Variants in HS2ST1 observed in about 807,000 individuals in gnomAD.
The protein encoded by HS2ST1 is heparan sulfate 2-O-sulfotransferase 1, also known as 2-O-sulfotransferase.
In HS2ST1, 18 loss-of-function variants were observed where a neutral mutation model predicts 42.9. The ratio of observed to expected loss-of-function variants is 0.42; its 90% confidence interval spans 0.29 to 0.62. The LOEUF is 0.62. HS2ST1 is among the 20% of genes least tolerant of loss of function. HS2ST1 has a pLI of 0.21. For synonymous variants in HS2ST1, 146 were observed against 152.9 expected, an observed-to-expected ratio of 0.95 and a Z score of 0.33; for missense variants, 334 against 433.8, an observed-to-expected ratio of 0.77 and a Z score of 2.04.
At chr1:87,002,260 G>A (rs1649311967) in intron 1 of HS2ST1, among the ~76,000 whole-genome samples, 1 of 152,130 alleles carries the variant, frequency 6.6e-6, no homozygotes, top group South Asian at 2.1e-4. Context: ...TTTTTGGTAG[G>A]TGAGATAACT....
At chr1:86,944,825 G>A in intron 1 of HS2ST1, among the ~76,000 whole-genome samples, 1 of 150,382 alleles carries the variant, frequency 6.6e-6, no homozygotes, top group Non-Finnish European at 1.5e-5. Flanking sequence ...AACTTCCTAG[G>A]CCTTTTTGCT....
chr1:86,914,993 TCCCCGCC>T lies in HS2ST1; in HGVS notation c.-37_-31del, dbSNP rs753158068. 4.3e-6 allele frequency: 7 copies of T among 1,611,614 alleles called. No individual in the cohort carries two copies. Among genetic ancestry groups the T allele is most frequent in the Admixed American group, 3.3e-5 (2 of 59,956 alleles). The stretch of plus-strand genomic sequence containing the variant: ...GTCTCTCTCGCCTCCGGGGTCCCGC[TCCCCGCC>T]CCCCGCGGTATGTCTTGATCCCGAG... On this transcript the variant is annotated 5_prime_UTR_variant, in exon 1 of 7. Coordinates refer to ENST00000370550, the MANE Select transcript of HS2ST1 (RefSeq NM_012262.4).
At chr1:86,919,497 A>G (rs1397162020) in intron 1 of HS2ST1, among the ~76,000 whole-genome samples, 1 of 152,168 alleles carries the variant, frequency 6.6e-6, no homozygotes, top group Admixed American at 6.5e-5. Flanking sequence ...TGATTTTCTC[A>G]GTAAATCATT....
At chr1:87,086,310 G>A (rs866098746) in intron 3 of HS2ST1, among the ~76,000 whole-genome samples, 8 of 152,014 alleles carry the variant, frequency 5.3e-5, no homozygotes, top group African/African-American at 7.2e-5. Context: ...CCTTGTACAC[G>A]GGTTTCACAT....
intron 2 of HS2ST1, among the ~76,000 whole-genome samples, chr1:87,080,187 C>T (rs935401800): frequency 6.6e-6 from 1 of 152,040 alleles, no homozygotes; most frequent in Non-Finnish European, 1.5e-5. Flanking sequence ...TGGTTTCAAC[C>T]AGGAGTACTC....
intron 1 of HS2ST1, among the ~76,000 whole-genome samples, chr1:87,013,019 G>T (rs1649648439): frequency 6.6e-6 from 1 of 152,206 alleles, no homozygotes; most frequent in Non-Finnish European, 1.5e-5. Flanking sequence ...AGCCTCCCTT[G>T]TGACTGTGTT....
At chr1:87,021,881 C>G (rs1290516448) in intron 1 of HS2ST1, among the ~76,000 whole-genome samples, 1 of 152,118 alleles carries the variant, frequency 6.6e-6, no homozygotes, top group Non-Finnish European at 1.5e-5. Context: ...TACATTTCAA[C>G]CAAAAGTTTT....
intron 4 of HS2ST1, among the ~76,000 whole-genome samples, chr1:87,093,375 T>G (rs1428827321): frequency 1.3e-5 from 2 of 152,106 alleles, no homozygotes; most frequent in African/African-American, 4.8e-5. Context: ...TTCATACTTT[T>G]TTACACATGT....
intron 1 of HS2ST1, among the ~76,000 whole-genome samples, chr1:86,916,697 T>G (rs545232855): frequency 6.6e-5 from 10 of 152,340 alleles, no homozygotes; most frequent in African/African-American, 2.4e-4. Flanking sequence ...TTTTCTTTTC[T>G]TTTGGATCCA....
At chr1:87,050,871 T>C (rs1650813496) in intron 1 of HS2ST1, among the ~76,000 whole-genome samples, 1 of 152,104 alleles carries the variant, frequency 6.6e-6, no homozygotes, top group Non-Finnish European at 1.5e-5. Context: ...CCTCTGAGGA[T>C]TAGTCAGGTG....
chr1:86,916,050 C>G (rs1660149547), intron 1 of HS2ST1, among the ~76,000 whole-genome samples: 1 of 152,050 alleles, frequency 6.6e-6, no homozygotes, highest in Non-Finnish European at 1.5e-5. Flanking sequence ...GTCTAAAGTA[C>G]AAAAAGTTGG....
At chr1:86,916,317 CAGCAAA>C (rs1283874064) in intron 1 of HS2ST1, among the ~76,000 whole-genome samples, 9 of 151,898 alleles carry the variant, frequency 5.9e-5, no homozygotes, top group African/African-American at 1.9e-4. Context: ...TTTGAGAAGC[CAGCAAA>C]AACAAAAACA....
chr1:87,022,516 A>G (rs2100588703), intron 1 of HS2ST1, among the ~76,000 whole-genome samples: 1 of 152,330 alleles, frequency 6.6e-6, no homozygotes, highest in South Asian at 2.1e-4. Flanking sequence ...ATTGTGGCAC[A>G]GTTTTTAAAA....
chr1:87,004,147 T>A (rs1242959981), intron 1 of HS2ST1, among the ~76,000 whole-genome samples: 2 of 152,108 alleles, frequency 1.3e-5, no homozygotes, highest in East Asian at 3.8e-4. Context: ...TCCCACCACT[T>A]TGGGAGGCTG....
At chr1:86,920,576 A>T (rs541429168) in intron 1 of HS2ST1, among the ~76,000 whole-genome samples, 109 of 152,300 alleles carry the variant, frequency 7.2e-4, no homozygotes, top group African/African-American at 2.5e-3. Context: ...AATTAAGATA[A>T]TTCCAGGATG....
chr1:87,052,900 A>G (rs1468070207), intron 1 of HS2ST1, among the ~76,000 whole-genome samples: 1 of 152,194 alleles, frequency 6.6e-6, no homozygotes, highest in Non-Finnish European at 1.5e-5. Context: ...TTCCTGGACC[A>G]TCATATCAGC....
At chr1:87,020,406 G>A (rs1478206963) in intron 1 of HS2ST1, among the ~76,000 whole-genome samples, 1 of 152,174 alleles carries the variant, frequency 6.6e-6, no homozygotes, top group Non-Finnish European at 1.5e-5. Context: ...TCTAGTACAT[G>A]CAGTGCTGAA....
rs1049874509 is a variant in HS2ST1, at chr1:87,104,934, C to G, written c.*238C>G. 2.1e-5 allele frequency: 9 copies of G among 423,820 alleles called. No individual in the cohort carries two copies. Among genetic ancestry groups the G allele is most frequent in the African/African-American group, 1.6e-4 (8 of 49,696 alleles). The allele number at this position is 423,820 out of a possible 1,614,324, so 26.3% of individuals were successfully genotyped here. On this transcript the variant is annotated 3_prime_UTR_variant, in exon 7 of 7. Transcript: ENST00000370550. ...GTTGGTGAAAGTTATAACCTCCTGC[C>G]TGGGAGAAAATATACATCACCTAAA...
At chr1:87,017,510 T>C (rs954428795) in intron 1 of HS2ST1, among the ~76,000 whole-genome samples, 3 of 152,182 alleles carry the variant, frequency 2.0e-5, no homozygotes, top group Admixed American at 1.3e-4. Flanking sequence ...CCATATGTTA[T>C]ATATACATAG....
Sources: gnomAD v4.1 joint callset for allele counts (sites outside exome capture counted in the v4.1 genomes callset) on GRCh38, gnomAD v4.1.1 for gene constraint, MANE v1.5 for transcripts, NCBI Gene and HGNC (gene_info 2026-07-23, HGNC 2026-07-21) for gene names.